The following GPC5 variants were observed in gnomAD, a reference collection of about 807,000 sequenced individuals.
GPC5 encodes glypican 5, also known as glypican-5.
A neutral mutation model predicts 53.9 loss-of-function variants in GPC5; 47 were observed. The observed-to-expected ratio is 0.87, with a 90% CI of 0.69 to 1.11. The LOEUF (loss-of-function observed/expected upper bound fraction) is 1.11, where lower values mean the gene tolerates loss of function less well. Ranked by LOEUF, GPC5 falls within the 50% of genes most tolerant of loss-of-function variation. The probability of loss-of-function intolerance (pLI) is 0.00; values close to 1 mark genes in which losing one functional copy is unlikely to be tolerated. For missense variants in GPC5, 748 were observed against 713.1 expected, an observed-to-expected ratio of 1.05 and a Z score of -0.56; for synonymous variants, 286 against 263.3, an observed-to-expected ratio of 1.09 and a Z score of -0.84.
intron 7 of GPC5, among the ~76,000 whole-genome samples, chr13:92,673,246 C>T (rs1246396331): frequency 1.3e-5 from 2 of 151,832 alleles, no homozygotes; most frequent in Non-Finnish European, 2.9e-5. Context: ...GCTTTACAAA[C>T]TGGTGTTTCA....
intron 7 of GPC5, among the ~76,000 whole-genome samples, chr13:92,837,412 G>C (rs766173294): frequency 1.3e-5 from 2 of 152,062 alleles, no homozygotes; most frequent in Non-Finnish European, 2.9e-5. Flanking sequence ...ATTCAGACAG[G>C]GGAAGGTCTT....
intron 7 of GPC5, among the ~76,000 whole-genome samples, chr13:92,408,934 C>T (rs893441663): frequency 6.6e-6 from 1 of 151,852 alleles, no homozygotes; most frequent in East Asian, 1.9e-4. Flanking sequence ...CATTAGATTA[C>T]CAAACAGTCT....
At chr13:92,131,483 C>A (rs769998547) in intron 6 of GPC5, among the ~76,000 whole-genome samples, 14 of 151,808 alleles carry the variant, frequency 9.2e-5, no homozygotes, top group Non-Finnish European at 1.6e-4. Context: ...AAATGGAATA[C>A]CCCTATTAAA....
intron 2 of GPC5, among the ~76,000 whole-genome samples, chr13:91,572,086 T>TATAC (rs1491586508): frequency 1.8e-4 from 25 of 135,696 alleles, no homozygotes; most frequent in African/African-American, 8.1e-4. Context: ...CATATGTATA[T>TATAC]GTACATGTGT....
intron 7 of GPC5, chr13:92,447,748 T>G (rs1877887037): frequency 6.6e-6 from 1 of 152,130 alleles, no homozygotes; most frequent in East Asian, 1.9e-4. Context: ...AAATGACCTC[T>G]GATTACCAGG....
chr13:91,683,151 C>T (rs1003067104), intron 2 of GPC5, among the ~76,000 whole-genome samples: 2 of 151,706 alleles, frequency 1.3e-5, no homozygotes, highest in African/African-American at 4.8e-5. Context: ...AAAAGAGAGG[C>T]CTAGGGAGAT....
At chr13:92,474,230 C>G (rs1351123817) in intron 7 of GPC5, among the ~76,000 whole-genome samples, 1 of 151,662 alleles carries the variant, frequency 6.6e-6, no homozygotes, top group African/African-American at 2.4e-5. Flanking sequence ...CCCATTGCAC[C>G]ATTTATATTG....
At chr13:92,452,557 T>C (rs1349965103) in intron 7 of GPC5, among the ~76,000 whole-genome samples, 1 of 143,998 alleles carries the variant, frequency 6.9e-6, no homozygotes, top group Non-Finnish European at 1.5e-5. Flanking sequence ...AAGGAAGGTA[T>C]AATGATTACT....
chr13:92,206,042 C>CAA (rs58237718), intron 7 of GPC5, among the ~76,000 whole-genome samples: 7 of 90,396 alleles, frequency 7.7e-5, no homozygotes, highest in East Asian at 3.9e-4. Flanking sequence ...GACTCCATCT[C>CAA]AAAAAAAAAA....
intron 7 of GPC5, among the ~76,000 whole-genome samples, chr13:92,634,918 A>G (rs536675114): frequency 3.1e-4 from 47 of 151,888 alleles, no homozygotes; most frequent in Non-Finnish European, 5.0e-4. Context: ...TTGCCCTGTA[A>G]TCAGTCAGAA....
At position 91,689,200 on chromosome 13, in the gene GPC5, TA is replaced by T. The variant is rs1293917497; in HGVS notation, c.326-3986del. On this transcript the variant is annotated intron_variant, in intron 2 of 7. Coordinates refer to ENST00000377067, the MANE Select transcript of GPC5 (RefSeq NM_004466.6). ...TCATATATAAATATATATATATATA[TA>T]TATATATATATATATATATATATAT... Among the ~76,000 whole-genome samples, 61 of 107,056 alleles carry T rather than the reference TA, an allele frequency of 5.7e-4. 2 individuals are homozygous for T. The highest frequency in any genetic ancestry group is 2.3e-3 in the African/African-American group (55 of 23,726). The allele number at this position is 107,056 out of a possible 152,430, so 70.2% of individuals were successfully genotyped here. A position where few individuals can be genotyped will look rare whatever the true frequency, so the allele number is the denominator to read the frequency against.
chr13:92,497,345 A>G (rs549421829), intron 7 of GPC5, among the ~76,000 whole-genome samples: 46 of 152,250 alleles, frequency 3.0e-4, no homozygotes, highest in Admixed American at 1.3e-3. Flanking sequence ...TCCCAGCACC[A>G]CTTATTGAAT....
intron 2 of GPC5, among the ~76,000 whole-genome samples, chr13:91,585,104 C>A (rs1388990885): frequency 6.6e-6 from 1 of 152,300 alleles, no homozygotes; most frequent in East Asian, 1.9e-4. Context: ...GGTGTTCAAT[C>A]TCAATTAGTA....
chr13:92,139,397 G>A (rs2041811057), intron 6 of GPC5, among the ~76,000 whole-genome samples: 1 of 152,184 alleles, frequency 6.6e-6, no homozygotes, highest in Non-Finnish European at 1.5e-5. Flanking sequence ...GCTGGGCGCA[G>A]TGGCTCACGC....
intron 7 of GPC5, among the ~76,000 whole-genome samples, chr13:92,624,863 C>A (rs58479023): frequency 0.25 from 38,338 of 152,036 alleles, 5,015 homozygotes; most frequent in African/African-American, 0.3. Flanking sequence ...ATGCAAATAT[C>A]CTTCACGAGG....
intron 7 of GPC5, among the ~76,000 whole-genome samples, chr13:92,796,597 T>G (rs1876694126): frequency 6.6e-6 from 1 of 151,898 alleles, no homozygotes; most frequent in Non-Finnish European, 1.5e-5. Context: ...GTAGGAAGAT[T>G]CTCTAGTGCT....
At chr13:91,512,530 T>C (rs1885287956) in intron 2 of GPC5, among the ~76,000 whole-genome samples, 1 of 152,262 alleles carries the variant, frequency 6.6e-6, no homozygotes, top group Non-Finnish European at 1.5e-5. Context: ...TACTGGGCCA[T>C]GTCCCTGCAC....
chr13:92,586,601 A>G (rs1262070485), intron 7 of GPC5, among the ~76,000 whole-genome samples: 1 of 152,146 alleles, frequency 6.6e-6, no homozygotes, highest in Non-Finnish European at 1.5e-5. Context: ...CTGAAGAAAA[A>G]CACCCAGTGA....
At chr13:91,456,907 C>A (rs1018062830) in intron 2 of GPC5, among the ~76,000 whole-genome samples, 1 of 149,992 alleles carries the variant, frequency 6.7e-6, no homozygotes, top group East Asian at 2.0e-4. Context: ...TATTTCTATG[C>A]AGTAAAATGT....
Sources: allele counts gnomAD v4.1 joint callset (sites outside exome capture counted in the v4.1 genomes callset), GRCh38; gene constraint gnomAD v4.1.1; transcripts MANE v1.5; gene names NCBI Gene and HGNC (gene_info 2026-07-23, HGNC 2026-07-21).